The following VIT variants were observed in gnomAD, a reference collection of about 807,000 sequenced individuals.
VIT encodes vitrin.
In VIT, 99 loss-of-function variants were observed where a neutral mutation model predicts 78.0. That is an observed-to-expected ratio of 1.27 (90% CI 1.08 to 1.50). VIT has a LOEUF of 1.50. Among genes scored for constraint, VIT ranks in the 40% most tolerant of loss-of-function variants. The pLI is 0.00. For synonymous variants in VIT, 374 were observed against 334.3 expected, an observed-to-expected ratio of 1.12 and a Z score of -1.29; for missense variants, 1,126 against 875.3, an observed-to-expected ratio of 1.29 and a Z score of -3.61.
intron 9 of VIT, among the ~76,000 whole-genome samples, chr2:36,779,151 G>T (rs1436743247): frequency 6.6e-6 from 1 of 152,204 alleles, no homozygotes; most frequent in Admixed American, 6.5e-5. Context: ...GCTCTTCAGT[G>T]CCCTAACCAA....
chr2:36,706,804 G>A (rs1434220523), intron 1 of VIT, among the ~76,000 whole-genome samples: 1 of 152,212 alleles, frequency 6.6e-6, no homozygotes, highest in Non-Finnish European at 1.5e-5. Flanking sequence ...AAAGTACTAT[G>A]CAAATGAAGA....
chr2:36,764,441 A>G (rs1228866567), intron 6 of VIT, among the ~76,000 whole-genome samples: 1 of 152,210 alleles, frequency 6.6e-6, no homozygotes, highest in Non-Finnish European at 1.5e-5. Flanking sequence ...CTTCCCTAGT[A>G]CTTGTTATGA....
At chr2:36,754,824 T>C (rs1261795320) in intron 4 of VIT, 97 bp from the exon 5 acceptor site, 19 of 1,390,300 alleles carry the variant, frequency 1.4e-5, no homozygotes, top group Non-Finnish European at 1.8e-5. Flanking sequence ...GCTGCTTTCC[T>C]ATGTGTAAAT....
At chr2:36,700,511 G>A (rs555797199) in intron 1 of VIT, among the ~76,000 whole-genome samples, 51 of 152,248 alleles carry the variant, frequency 3.3e-4, no homozygotes, top group South Asian at 3.3e-3. Flanking sequence ...GGTGGCTGAG[G>A]CAGGAGAATT....
intron 13 of VIT, among the ~76,000 whole-genome samples, chr2:36,804,109 A>T (rs1045422991): frequency 6.6e-5 from 10 of 152,210 alleles, no homozygotes; most frequent in Non-Finnish European, 1.3e-4. Context: ...TCTCAGTGTG[A>T]AATATGCACT....
chr2:36,743,982 C>T (rs959243740), intron 4 of VIT, among the ~76,000 whole-genome samples: 4 of 152,096 alleles, frequency 2.6e-5, no homozygotes, highest in Middle Eastern at 3.2e-3. Flanking sequence ...CTTGTATTCC[C>T]CAGTATCTGT....
chr2:36,814,460 G>T lies in VIT; in HGVS notation c.*99G>T. 16 of 1,387,152 alleles carry T rather than the reference G, an allele frequency of 1.2e-5. No homozygotes were observed. Among genetic ancestry groups the T allele is most frequent in the Non-Finnish European group, 1.6e-5 (16 of 1,022,412 alleles). 85.9% of individuals were successfully genotyped at this position (1,387,152 alleles called of 1,614,324 possible). A position where few individuals can be genotyped will look rare whatever the true frequency, so the allele number is the denominator to read the frequency against. ...GGCACGCACGGTGCATCAAGTCTTG[G>T]GCAGGGCATGGAGAAACAAATGTCT... On this transcript the variant is annotated 3_prime_UTR_variant, in exon 16 of 16. Transcript: ENST00000379242.
At chr2:36,795,438 G>C (rs11888749) in intron 12 of VIT, among the ~76,000 whole-genome samples, 1 of 148,900 alleles carries the variant, frequency 6.7e-6, no homozygotes, top group African/African-American at 2.5e-5. Context: ...ACGGAGTTTC[G>C]CTCTTGTTGC....
chr2:36,738,675 T>C (rs1195973458), intron 3 of VIT, among the ~76,000 whole-genome samples: 2 of 152,102 alleles, frequency 1.3e-5, no homozygotes, highest in Admixed American at 6.5e-5. Flanking sequence ...ACCTAAAAGA[T>C]AGTAACATTC....
intron 3 of VIT, among the ~76,000 whole-genome samples, chr2:36,740,062 A>G (rs1368056918): frequency 1.3e-5 from 2 of 152,220 alleles, no homozygotes; most frequent in Non-Finnish European, 2.9e-5. Context: ...TTAGACCTAC[A>G]ACTGATACTT....
intron 12 of VIT, among the ~76,000 whole-genome samples, chr2:36,788,902 T>G (rs1466548244): frequency 6.6e-6 from 1 of 152,010 alleles, no homozygotes; most frequent in Non-Finnish European, 1.5e-5. Flanking sequence ...AGAGCATGGA[T>G]TAGAGAACAA....
intron 8 of VIT, 118 bp from the exon 9 acceptor site, chr2:36,774,884 G>A: frequency 1.3e-6 from 2 of 1,511,130 alleles, no homozygotes; most frequent in Non-Finnish European, 1.8e-6. Flanking sequence ...GGCACAGAGA[G>A]CTCGGCCGAC....
chr2:36,812,112 T>G (rs1667215733), intron 15 of VIT, among the ~76,000 whole-genome samples: 2 of 152,182 alleles, frequency 1.3e-5, no homozygotes, highest in African/African-American at 4.8e-5. Context: ...GGCAGCACTT[T>G]AAAGCCCAAA....
intron 9 of VIT, 41 bp downstream of exon 9, chr2:36,775,108 T>C (rs1380897550): frequency 1.2e-6 from 2 of 1,609,924 alleles, no homozygotes; most frequent in Admixed American, 3.3e-5. Context: ...CCCTAGGAAT[T>C]TGCTCTGTGG....
chr2:36,731,973 G>C (rs1407146285), intron 3 of VIT, among the ~76,000 whole-genome samples: 2 of 152,108 alleles, frequency 1.3e-5, no homozygotes, highest in Admixed American at 6.6e-5. Flanking sequence ...GTTGAAATGA[G>C]ACCAAAAGGG....
chr2:36,759,142 C>A, intron 6 of VIT, 96 bp downstream of exon 6: 1 of 1,611,016 alleles, frequency 6.2e-7, no homozygotes, highest in South Asian at 1.1e-5. Context: ...CTTAACCGGT[C>A]AAGCTCCACT....
At chr2:36,776,581 A>G (rs1670058868) in intron 9 of VIT, among the ~76,000 whole-genome samples, 1 of 152,082 alleles carries the variant, frequency 6.6e-6, no homozygotes, top group African/African-American at 2.4e-5. Context: ...CAGGTGGATC[A>G]TTTGAGCTCA....
chr2:36,736,970 ATCT>A (rs1259338007), intron 3 of VIT, among the ~76,000 whole-genome samples: 3 of 152,172 alleles, frequency 2.0e-5, no homozygotes, highest in Non-Finnish European at 2.9e-5. Context: ...TATACAGTCT[ATCT>A]TCCCAGCAAG....
chr2:36,777,851 C>T (rs1193759745), intron 9 of VIT, among the ~76,000 whole-genome samples: 1 of 152,212 alleles, frequency 6.6e-6, no homozygotes, highest in Admixed American at 6.5e-5. Context: ...CACCTGTCTC[C>T]ATTCCCTTTA....
Sources: gnomAD v4.1 joint callset for allele counts (sites outside exome capture counted in the v4.1 genomes callset) on GRCh38, gnomAD v4.1.1 for gene constraint, MANE v1.5 for transcripts, NCBI Gene and HGNC (gene_info 2026-07-23, HGNC 2026-07-21) for gene names.